Variants in ANKRD42 observed in about 807,000 individuals in gnomAD.
ANKRD42 encodes ankyrin repeat domain-containing protein 42.
Under a neutral mutation model 51.5 loss-of-function variants are expected in ANKRD42, and 43 were observed. The ratio of observed to expected loss-of-function variants is 0.83; its 90% CI spans 0.65 to 1.08. The LOEUF is 1.08. ANKRD42 is among the 50% of genes least tolerant of loss of function. The pLI is 0.00. For missense variants in ANKRD42, 608 were observed against 629.3 expected (o/e 0.97, Z 0.36); for synonymous variants, 203 against 213.0 (o/e 0.95, Z 0.41).
At chr11:83,198,717 T>C in intron 2 of ANKRD42, 75 bp downstream of exon 2, 1 of 1,359,718 alleles carries the variant, frequency 7.4e-7, no homozygotes, top group Non-Finnish European at 9.9e-7. Context: ...CAAACAGGGC[T>C]GAGACCTTAT....
chr11:83,227,039 A>G (rs1473179196), intron 6 of ANKRD42, among the ~76,000 whole-genome samples: 3 of 152,200 alleles, frequency 2.0e-5, no homozygotes, highest in African/African-American at 4.8e-5. Context: ...GTGTGTGCAC[A>G]TACAGACTTC....
chr11:83,209,338 G>C, intron 3 of ANKRD42: 1 of 1,121,712 alleles, frequency 8.9e-7, no homozygotes, highest in Non-Finnish European at 1.3e-6. Flanking sequence ...GGGAGTGCGT[G>C]CTGCTGGGAG....
chr11:83,261,961 C>T (rs781678170), downstream of ANKRD42: 1 of 1,597,902 alleles, frequency 6.3e-7, no homozygotes, highest in South Asian at 1.1e-5. Context: ...CAAGTAAACA[C>T]CGAAGCTGTG....
At chr11:83,213,535 T>C (rs1862410222) in intron 5 of ANKRD42, 1 of 1,289,410 alleles carries the variant, frequency 7.8e-7, no homozygotes. Flanking sequence ...ATTTCCATTT[T>C]CACATATGGT....
At chr11:83,234,731 T>A (rs77196343) in intron 7 of ANKRD42, among the ~76,000 whole-genome samples, 2,750 of 152,284 alleles carry the variant, frequency 0.018, 65 homozygotes, top group African/African-American at 0.058. Flanking sequence ...TATGTTGCCA[T>A]TTTTGTCTAA....
At chr11:83,229,334 T>G (rs1190946846) in intron 7 of ANKRD42, among the ~76,000 whole-genome samples, 3 of 152,194 alleles carry the variant, frequency 2.0e-5, no homozygotes, top group Non-Finnish European at 4.4e-5. Flanking sequence ...TCTGAGGTAC[T>G]GGAGGTTAGG....
At chr11:83,221,018 T>G (rs1440881958) in intron 5 of ANKRD42, among the ~76,000 whole-genome samples, 1 of 152,176 alleles carries the variant, frequency 6.6e-6, no homozygotes, top group Non-Finnish European at 1.5e-5. Flanking sequence ...ACACCAGTAA[T>G]TCTTAGATTT....
intron 7 of ANKRD42, among the ~76,000 whole-genome samples, chr11:83,228,268 T>C: frequency 9.8e-6 from 1 of 102,212 alleles, no homozygotes; most frequent in Admixed American, 1.0e-4. Context: ...TTTTTTTTTT[T>C]TAGACCGGGT....
intron 1 of ANKRD42, among the ~76,000 whole-genome samples, chr11:83,195,957 T>A (rs1029536264): frequency 1.3e-5 from 2 of 151,856 alleles, no homozygotes; most frequent in African/African-American, 2.4e-5. Context: ...ACCATTCTTC[T>A]GCGTCAGCCT....
At chr11:83,213,787 C>T (rs1337073359) in intron 5 of ANKRD42, 1 of 155,252 alleles carries the variant, frequency 6.4e-6, no homozygotes, top group Non-Finnish European at 1.4e-5. Context: ...AGCCCTTTGT[C>T]AGTTACGTTT....
At chr11:83,199,451 A>G (rs1053098033) in intron 2 of ANKRD42, among the ~76,000 whole-genome samples, 2 of 152,148 alleles carry the variant, frequency 1.3e-5, no homozygotes, top group Non-Finnish European at 2.9e-5. Flanking sequence ...ATGGTTACAT[A>G]TATGTACTCT....
intron 3 of ANKRD42, 80 bp from the exon 4 acceptor site, chr11:83,210,220 T>A (rs1431811298): frequency 7.2e-7 from 1 of 1,396,124 alleles, no homozygotes; most frequent in Non-Finnish European, 9.9e-7. Context: ...ATAAATTGCT[T>A]GCCTTTGTAT....
Position 83,248,500 on chromosome 11 carries a change from AT to A in ANKRD42, c.*300del. ...TCTAAGACAGCTAGAGGATATGTATATTTTAATATTCTAAATAACCAAAATA... is the reference window on the plus strand; with the variant it reads ...TCTAAGACAGCTAGAGGATATGTATATTTAATATTCTAAATAACCAAAATA... On this transcript the variant is annotated 3_prime_UTR_variant, in exon 11 of 11. Coordinates refer to ENST00000533342, the MANE Select transcript of ANKRD42 (RefSeq NM_001300975.2). 1 of 1,054,936 alleles carries A rather than the reference AT, an allele frequency of 9.5e-7. No homozygotes were observed. Among genetic ancestry groups the A allele is most frequent in the Non-Finnish European group, 1.1e-6 (1 of 875,524 alleles). The allele number at this position is 1,054,936 out of a possible 1,614,324, so 65.3% of individuals were successfully genotyped here. A position where few individuals can be genotyped will look rare whatever the true frequency, so the allele number is the denominator to read the frequency against.
chr11:83,253,652 C>A (rs1174945888), downstream of ANKRD42, among the ~76,000 whole-genome samples: 1 of 152,148 alleles, frequency 6.6e-6, no homozygotes, highest in Non-Finnish European at 1.5e-5. Context: ...TCTTAATATA[C>A]AGTTCTATTG....
chr11:83,194,312 G>A lies in ANKRD42; in HGVS notation c.-359G>A, dbSNP rs1017411682. ...TTCGGGGATAGAGTCAGTGACGATC[G>A]CAGTCGCCGCTTCAGTGGCTCCTGG... is the stretch of plus-strand genomic sequence containing the variant. On this transcript the variant is annotated 5_prime_UTR_variant, in exon 1 of 11. Transcript: ENST00000533342. The A allele has an allele frequency of 2.8e-5, 14 of 508,562 alleles. No homozygotes were observed. Among genetic ancestry groups the A allele is most frequent in the Non-Finnish European group, 5.3e-5 (14 of 261,756 alleles). 31.5% of individuals were successfully genotyped at this position (508,562 alleles called of 1,614,324 possible). A position where few individuals can be genotyped will look rare whatever the true frequency, so the allele number is the denominator to read the frequency against.
downstream of ANKRD42, chr11:83,249,005 G>A (rs1159677153): frequency 4.1e-6 from 4 of 981,578 alleles, no homozygotes; most frequent in Non-Finnish European, 1.2e-6. Flanking sequence ...CCCTCTTCTT[G>A]TACGATCTTT....
At chr11:83,212,818 T>C in intron 5 of ANKRD42, 1 of 1,460,252 alleles carries the variant, frequency 6.8e-7, no homozygotes, top group East Asian at 2.5e-5. Context: ...GTTCATTTAG[T>C]GAAGTCTTTT....
At chr11:83,206,246 A>C in intron 3 of ANKRD42, 81 bp downstream of exon 3, 1 of 1,155,752 alleles carries the variant, frequency 8.7e-7, no homozygotes, top group South Asian at 1.5e-5. Context: ...TAATTATTTG[A>C]CTCAATAGAT....
Position 83,194,384 on chromosome 11 carries a change from A to G in ANKRD42, c.-287A>G. On this transcript the variant is annotated 5_prime_UTR_variant, in exon 1 of 11. Coordinates refer to ENST00000533342, the MANE Select transcript of ANKRD42 (RefSeq NM_001300975.2). ...GGCCACAGCGTTGGTAGTTCTTGGG[A>G]GGAAGTAAGTGGAGACCGCGGCTAC... The G allele has an allele frequency of 1.6e-6, 1 of 642,596 alleles. No homozygotes were observed. Among genetic ancestry groups the G allele is most frequent in the African/African-American group, 1.8e-5 (1 of 56,058 alleles). 39.8% of individuals were successfully genotyped at this position (642,596 alleles called of 1,614,324 possible). A position where few individuals can be genotyped will look rare whatever the true frequency, so the allele number is the denominator to read the frequency against.
Sources: gnomAD v4.1 joint callset for allele counts (sites outside exome capture counted in the v4.1 genomes callset) on GRCh38, gnomAD v4.1.1 for gene constraint, MANE v1.5 for transcripts, NCBI Gene and HGNC (gene_info 2026-07-23, HGNC 2026-07-21) for gene names.